NEDD9: variants seen among roughly 807,000 people sequenced by gnomAD.
NEDD9 encodes the protein neural precursor cell expressed, developmentally down-regulated 9.
A neutral mutation model predicts 76.6 loss-of-function variants in NEDD9; 26 were observed. That is an observed-to-expected ratio of 0.34 (90% CI 0.25 to 0.47). The LOEUF (loss-of-function observed/expected upper bound fraction) is 0.47. Among genes scored for constraint, NEDD9 ranks in the 20% least tolerant of loss-of-function variants. The pLI is 1.00. For synonymous variants in NEDD9, 392 were observed against 414.2 expected, an observed-to-expected ratio of 0.95 and a Z score of 0.65; for missense variants, 937 against 1,058.5, an observed-to-expected ratio of 0.89 and a Z score of 1.59.
At chr6:11,236,808 C>T (rs757685964), upstream of NEDD9, among the ~76,000 whole-genome samples, 8 of 152,318 alleles carry the variant, frequency 5.3e-5, no homozygotes, top group Admixed American at 2.0e-4. This position sits in a 1 kb window ranked among gnomAD's most constrained non-coding sequence, Gnocchi z 5.5. Context: ...ACATTACTAC[C>T]GTGTTTAAAA....
chr6:11,302,474 T>C (rs1254717471), intron 3 of NEDD9, among the ~76,000 whole-genome samples: 2 of 152,092 alleles, frequency 1.3e-5, no homozygotes, highest in Admixed American at 6.5e-5. Flanking sequence ...TGAAACTATT[T>C]CAATCAATAG....
At chr6:11,195,595 A>G (rs1758272553) in intron 2 of NEDD9, among the ~76,000 whole-genome samples, 1 of 152,212 alleles carries the variant, frequency 6.6e-6, no homozygotes, top group South Asian at 2.1e-4. Flanking sequence ...TGTTCAGCTT[A>G]AAAGTTTCCA....
intron 1 of NEDD9, among the ~76,000 whole-genome samples, chr6:11,342,628 A>C (rs974683323): frequency 3.9e-5 from 6 of 152,228 alleles, no homozygotes; most frequent in Non-Finnish European, 2.9e-5. Flanking sequence ...GCAAAATCTG[A>C]GAAGATTCAT....
At chr6:11,367,470 A>AT (rs1334644369) in intron 1 of NEDD9, among the ~76,000 whole-genome samples, 5 of 152,224 alleles carry the variant, frequency 3.3e-5, no homozygotes, top group South Asian at 2.1e-4. Flanking sequence ...GAGAAAGGAA[A>AT]TTTGATCAGT....
intron 2 of NEDD9, among the ~76,000 whole-genome samples, chr6:11,323,994 T>C (rs966649180): frequency 1.1e-4 from 16 of 151,888 alleles, no homozygotes; most frequent in African/African-American, 3.6e-4. Flanking sequence ...ACCAAGAGGG[T>C]AGAGGGATGA....
intron 3 of NEDD9, among the ~76,000 whole-genome samples, chr6:11,273,155 G>C (rs1581992897): frequency 1.3e-5 from 2 of 152,210 alleles, no homozygotes; most frequent in Non-Finnish European, 2.9e-5. Context: ...ACTTGAGGAA[G>C]TGATTTCTTG....
upstream of NEDD9, chr6:11,232,771 C>T (rs899921398): frequency 8.6e-6 from 11 of 1,283,838 alleles, no homozygotes; most frequent in Admixed American, 1.9e-4. Context: ...CTGCCCACCC[C>T]TAATTCTGAA....
intron 2 of NEDD9, among the ~76,000 whole-genome samples, chr6:11,308,983 T>A (rs1371442981): frequency 6.6e-6 from 1 of 152,258 alleles, no homozygotes; most frequent in Admixed American, 6.5e-5. Context: ...TACTTATGTG[T>A]CCTCAATTAC....
chr6:11,198,031 C>T lies in NEDD9; in HGVS notation c.460-4339G>A, dbSNP rs1214796919. 2.0e-5 allele frequency among the ~76,000 whole-genome samples: 3 copies of T among 152,050 alleles called. No individual in the cohort carries two copies. Among genetic ancestry groups the T allele is most frequent in the Non-Finnish European group, 4.4e-5 (3 of 68,012 alleles). Reference sequence around the variant, plus strand: ...CAAGGGTCCTATACTCAGATGCTCACGGACCGAGCAAGCAGGGTGTAGGGA... The same window carrying T: ...CAAGGGTCCTATACTCAGATGCTCATGGACCGAGCAAGCAGGGTGTAGGGA... On this transcript the variant is annotated intron_variant, in intron 2 of 6. Transcript: ENST00000379446. This position sits in a 1 kb window ranked among gnomAD's most constrained non-coding sequence, Gnocchi z 4.7.
rs774818140 is a variant in NEDD9, at chr6:11,191,135, G to T, written c.734C>A (p.Pro245His). 1.6e-5 allele frequency: 26 copies of T among 1,613,758 alleles called. No homozygotes were observed. The highest frequency in any genetic ancestry group is 8.3e-5 in the Admixed American group (5 of 59,964). The change falls in exon 5 of 7, where the codon CCT becomes CAT. Residue 245 changes from proline (P) to histidine (H), a missense_variant. Pro to His is a moderately conservative substitution (Grantham distance 77, BLOSUM62 -2). Coordinates refer to ENST00000379446, the MANE Select transcript of NEDD9 (RefSeq NM_006403.4). ...CGGCCTTCCAGCTTGTCTCATGGGA[G>T]GGGGGAAGTCATAGTCTTTTTCCCT... Reference protein sequence around the residue: ...GLREKDYDFPPPMRQAGRPDL... With the variant: ...GLREKDYDFPHPMRQAGRPDL...
chr6:11,301,933 C>T (rs1413278320), intron 3 of NEDD9, among the ~76,000 whole-genome samples: 1 of 152,134 alleles, frequency 6.6e-6, no homozygotes, highest in Non-Finnish European at 1.5e-5. Context: ...AAAATCGACA[C>T]TCTAACATCA....
intron 3 of NEDD9, among the ~76,000 whole-genome samples, chr6:11,244,040 C>A (rs529182298): frequency 1.3e-5 from 2 of 152,228 alleles, no homozygotes; most frequent in African/African-American, 4.8e-5. Context: ...AAAGTAGATA[C>A]CCTCCACCAT....
rs539412289 is a variant in NEDD9, at chr6:11,297,281, C to T, written c.12+8711G>A. On this transcript the variant is annotated intron_variant, in intron 3 of 3. Transcript: ENST00000397378. ...CCTGGGAAAAGAATGCTGCAGGGTGCCAGCCTCTCTGCAGCCAGGGACAGC... is the reference window on the plus strand; with the variant it reads ...CCTGGGAAAAGAATGCTGCAGGGTGTCAGCCTCTCTGCAGCCAGGGACAGC... Among the ~76,000 whole-genome samples the T allele has an allele frequency of 1.5e-3, 234 of 152,202 alleles. 1 individual carries two copies. The highest frequency in any genetic ancestry group is 2.7e-3 in the Non-Finnish European group (183 of 68,006).
At chr6:11,238,315 T>C (rs1440513880) in intron 3 of NEDD9, among the ~76,000 whole-genome samples, 1 of 152,224 alleles carries the variant, frequency 6.6e-6, no homozygotes, top group Non-Finnish European at 1.5e-5. Flanking sequence ...ACCCAGGCTT[T>C]CTGGTTTCTG....
chr6:11,268,793 G>T (rs763729878), intron 3 of NEDD9, among the ~76,000 whole-genome samples: 1 of 151,746 alleles, frequency 6.6e-6, no homozygotes, highest in Non-Finnish European at 1.5e-5. Context: ...GGGAAAAAGG[G>T]CTAAATTTAT....
At chr6:11,302,358 A>G (rs1761070777) in intron 3 of NEDD9, among the ~76,000 whole-genome samples, 1 of 152,248 alleles carries the variant, frequency 6.6e-6, no homozygotes, top group African/African-American at 2.4e-5. Context: ...AGGCTCTGAA[A>G]TTGAGGCAAT....
chr6:11,310,080 A>T (rs576862323), intron 2 of NEDD9, among the ~76,000 whole-genome samples: 1 of 152,224 alleles, frequency 6.6e-6, no homozygotes, highest in East Asian at 1.9e-4. Context: ...GCATGCTCTG[A>T]GCGTTGTGGC....
chr6:11,272,334 G>A (rs1041372484), intron 3 of NEDD9, among the ~76,000 whole-genome samples: 25 of 152,204 alleles, frequency 1.6e-4, no homozygotes, highest in Non-Finnish European at 3.4e-4. Context: ...AGTACAAGAT[G>A]TAGAATTCAC....
chr6:11,356,010 CAT>C lies in NEDD9; in HGVS notation c.-213-21451_-213-21450del, dbSNP rs1193016235. 3.1e-4 allele frequency among the ~76,000 whole-genome samples: 47 copies of C among 152,294 alleles called. 2 individuals carry two copies. Among genetic ancestry groups the C allele is most frequent in the Admixed American group, 4.6e-4 (7 of 15,302 alleles). ...TCCTGGGATTGCAGGCGTGAGCCAC[CAT>C]GCCCGGCCGAGAGCTCTAGATTTTT... On this transcript the variant is annotated intron_variant, in intron 1 of 3. Transcript: ENST00000397378.
Sources: gnomAD v4.1 joint callset for allele counts (sites outside exome capture counted in the v4.1 genomes callset) on GRCh38, gnomAD v4.1.1 for gene constraint, Gnocchi (gnomAD v3.1) non-coding constraint, MANE v1.5 for transcripts, NCBI Gene and HGNC (gene_info 2026-07-23, HGNC 2026-07-21) for gene names.